FER: variants seen among roughly 807,000 people sequenced by gnomAD.
The protein encoded by FER is FER tyrosine kinase.
Under a neutral mutation model 111.0 loss-of-function variants are expected in FER, and 63 were observed. That is an observed-to-expected ratio of 0.57 (90% CI 0.46 to 0.70). The LOEUF (loss-of-function observed/expected upper bound fraction) is 0.70. Among genes scored for constraint, FER ranks in the 30% least tolerant of loss-of-function variants. The pLI, the probability that FER is intolerant of heterozygous loss-of-function variation, is 0.00. For missense variants in FER, 914 were observed against 954.0 expected (o/e 0.96, Z 0.55); for synonymous variants, 327 against 313.9 (o/e 1.04, Z -0.44).
chr5:109,150,972 A>G (rs1754772891), intron 17 of FER, among the ~76,000 whole-genome samples: 1 of 152,188 alleles, frequency 6.6e-6, no homozygotes. Context: ...ATTGGAAATA[A>G]GTAATGGGCT....
intron 12 of FER, 128 bp downstream of exon 12, chr5:108,955,060 A>T (rs1758260579): frequency 1.5e-6 from 1 of 646,608 alleles, no homozygotes; most frequent in Non-Finnish European, 2.5e-6. Flanking sequence ...TTTTTTTCTG[A>T]ATTTCTTAAA....
At chr5:108,964,484 A>T (rs1256503965) in intron 13 of FER, among the ~76,000 whole-genome samples, 1 of 152,176 alleles carries the variant, frequency 6.6e-6, no homozygotes, top group African/African-American at 2.4e-5. Context: ...GTGTTTACTG[A>T]CTGTCTATTC....
rs1483640463 is a variant in FER at position 108,822,700 on chromosome 5, TTTTATTTTA to T, written c.208-10057_208-10049del. On this transcript the variant is annotated intron_variant, in intron 3 of 19. Transcript: ENST00000281092. ...CAATACCACCACATTGGGGATCAAA[TTTTATTTTA>T]TTTATTTTATTTTATTTTATTTTAT... 2.6e-4 allele frequency among the ~76,000 whole-genome samples: 38 copies of T among 144,686 alleles called. No homozygotes were observed. The East Asian group carries it at 7.4e-3, about 28-fold the overall frequency. The allele number at this position is 144,686 out of a possible 152,430, so 94.9% of individuals were successfully genotyped here.
At chr5:108,881,924 A>C (rs1332688950) in intron 8 of FER, among the ~76,000 whole-genome samples, 1 of 152,098 alleles carries the variant, frequency 6.6e-6, no homozygotes, top group Non-Finnish European at 1.5e-5. Context: ...CAGTTCATGG[A>C]ACATATGCAT....
chr5:108,808,891 T>G (rs1757466530), intron 3 of FER, among the ~76,000 whole-genome samples: 1 of 152,258 alleles, frequency 6.6e-6, no homozygotes, highest in South Asian at 2.1e-4. Context: ...ATTTCTTTTC[T>G]TAAAGATGGC....
At chr5:109,108,248 T>C (rs1024710702) in intron 17 of FER, among the ~76,000 whole-genome samples, 7 of 152,168 alleles carry the variant, frequency 4.6e-5, no homozygotes, top group African/African-American at 1.7e-4. Flanking sequence ...GTAACTTTTC[T>C]AATGTCACAC....
intron 17 of FER, among the ~76,000 whole-genome samples, chr5:109,121,978 C>CT (rs1318235051): frequency 1.3e-5 from 2 of 151,718 alleles, no homozygotes; most frequent in Admixed American, 1.3e-4. Flanking sequence ...TGTGTCTTCT[C>CT]TTTTTTTCTT....
chr5:108,921,324 C>A (rs145299492), intron 10 of FER, among the ~76,000 whole-genome samples: 142 of 152,134 alleles, frequency 9.3e-4, no homozygotes, highest in African/African-American at 3.2e-3. Flanking sequence ...TGTATGAACT[C>A]ATTTGATTAT....
At chr5:109,013,326 G>T (rs113672161) in intron 13 of FER, among the ~76,000 whole-genome samples, 1 of 147,940 alleles carries the variant, frequency 6.8e-6, no homozygotes, top group South Asian at 2.1e-4. Context: ...GAGAACTTGC[G>T]GTGTTTGGTT....
intron 16 of FER, among the ~76,000 whole-genome samples, chr5:109,069,554 A>G (rs1775529838): frequency 6.6e-6 from 1 of 152,158 alleles, no homozygotes. Context: ...CCCTGAGTAT[A>G]TTGAAGATAG....
chr5:109,084,060 A>G (rs1236948709), intron 16 of FER, among the ~76,000 whole-genome samples: 1 of 152,042 alleles, frequency 6.6e-6, no homozygotes, highest in Admixed American at 6.6e-5. Flanking sequence ...GAATTATCAC[A>G]AAGTGTTTAC....
At chr5:108,858,383 CT>C (rs1259883875) in intron 5 of FER, among the ~76,000 whole-genome samples, 1 of 152,030 alleles carries the variant, frequency 6.6e-6, no homozygotes, top group Non-Finnish European at 1.5e-5. Context: ...TTGTTTAAAG[CT>C]TTTTTTGTCT....
At chr5:108,950,834 A>G (rs994426757) in intron 11 of FER, among the ~76,000 whole-genome samples, 1 of 152,314 alleles carries the variant, frequency 6.6e-6, no homozygotes, top group Admixed American at 6.5e-5. Flanking sequence ...CTTTCACTGC[A>G]AATAATTTTT....
At chr5:108,834,128 C>G (rs534616362) in intron 4 of FER, among the ~76,000 whole-genome samples, 6 of 152,050 alleles carry the variant, frequency 3.9e-5, no homozygotes, top group Admixed American at 6.5e-5. Context: ...GTAATTTGCT[C>G]TATATAATTG....
intron 5 of FER, among the ~76,000 whole-genome samples, chr5:108,860,848 A>G (rs1366457586): frequency 2.0e-5 from 3 of 152,202 alleles, no homozygotes; most frequent in Non-Finnish European, 2.9e-5. Flanking sequence ...GAAACTTACA[A>G]TCATGGTGGA....
intron 3 of FER, among the ~76,000 whole-genome samples, chr5:108,799,685 T>C (rs1186613773): frequency 6.6e-6 from 1 of 152,212 alleles, no homozygotes; most frequent in Non-Finnish European, 1.5e-5. Flanking sequence ...CATCTGTGGG[T>C]ATAAAGCCTT....
chr5:108,988,806 C>G (rs1353725856), intron 13 of FER, among the ~76,000 whole-genome samples: 1 of 151,960 alleles, frequency 6.6e-6, no homozygotes, highest in Non-Finnish European at 1.5e-5. Context: ...TAGTTTGGCT[C>G]TGATCTTTGT....
At chr5:108,843,763 G>C (rs752394905) in intron 5 of FER, among the ~76,000 whole-genome samples, 2 of 151,718 alleles carry the variant, frequency 1.3e-5, no homozygotes, top group Non-Finnish European at 2.9e-5. Context: ...TCTTGACCTC[G>C]TAATCCACCC....
intron 2 of FER, among the ~76,000 whole-genome samples, chr5:108,780,404 T>G (rs897389373): frequency 6.6e-6 from 1 of 151,872 alleles, no homozygotes. Context: ...AATTTTTTAC[T>G]TTTTATCTTA....
Sources: allele counts gnomAD v4.1 joint callset (sites outside exome capture counted in the v4.1 genomes callset), GRCh38; gene constraint gnomAD v4.1.1; transcripts MANE v1.5; gene names NCBI Gene and HGNC (gene_info 2026-07-23, HGNC 2026-07-21).